Variants in SIGLEC1 observed in about 807,000 individuals in gnomAD.
SIGLEC1 encodes the protein sialic acid binding Ig like lectin 1, also known as sialoadhesin.
SIGLEC1 carries 132 observed loss-of-function variants against 148.0 expected under a neutral mutation model. That is an observed-to-expected ratio of 0.89 (90% CI 0.77 to 1.03). The LOEUF is 1.03. Ranked by LOEUF, SIGLEC1 falls within the 50% of genes least tolerant of loss-of-function variation. The pLI is 0.00. For synonymous variants in SIGLEC1, 945 were observed against 969.0 expected (o/e 0.98, Z 0.46); for missense variants, 2,253 against 2,271.4 (o/e 0.99, Z 0.16).
At chr20:3,702,325 C>T (rs983606786) in intron 6 of SIGLEC1, among the ~76,000 whole-genome samples, 13 of 152,084 alleles carry the variant, frequency 8.5e-5, no homozygotes, top group Middle Eastern at 3.2e-3. Flanking sequence ...GTGGCTCATA[C>T]CTGTAATCCC....
intron 11 of SIGLEC1, 25 bp downstream of exon 11, chr20:3,696,561 A>G (rs2088823972): frequency 5.1e-6 from 8 of 1,580,430 alleles, no homozygotes; most frequent in Non-Finnish European, 6.9e-6. Flanking sequence ...AGAGTCTACC[A>G]TATCTTCAGA....
chr20:3,693,589 G>T lies in SIGLEC1; in HGVS notation c.3366C>A (p.Tyr1122Ter), dbSNP rs773958522. ...CATCCAGGCGCTGCTGCCCATCCTGGTACCATGTGTAGGTGAGCTGGGCCG... is the reference window on the plus strand; with the variant it reads ...CATCCAGGCGCTGCTGCCCATCCTGTTACCATGTGTAGGTGAGCTGGGCCG... ...THPAQLTYTWYQDGQQRLDAH... is the reference protein window; with the variant it reads ...THPAQLTYTW Residue 1122 changes from tyrosine (Y) to a stop codon, truncating the protein, a stop_gained, in exon 14 of 22, where the codon TAC becomes TAA. Coordinates refer to ENST00000344754, the MANE Select transcript of SIGLEC1 (RefSeq NM_023068.4). LOFTEE classifies it high-confidence loss of function. 2 of 1,613,028 alleles carry T rather than the reference G, an allele frequency of 1.2e-6. No homozygotes were observed. Among genetic ancestry groups the T allele is most frequent in the East Asian group, 4.5e-5 (2 of 44,878 alleles).
At position 3,697,999 on chromosome 20, in the gene SIGLEC1, G is replaced by T. The variant is rs769943911; in HGVS notation, c.1921C>A (p.Arg641Ser). ...GATGGCAGGGAAGTGGCCACAACACGGTCCTTGTGGAGCAGCTGCAGCCTG... is the reference window on the plus strand; with the variant it reads ...GATGGCAGGGAAGTGGCCACAACACTGTCCTTGTGGAGCAGCTGCAGCCTG... ...PARLQLLHKD[R>S]VVATSLPSGG... is the part of the protein sequence containing the mutation. The change falls in exon 9 of 22, where the codon CGT becomes AGT. Residue 641 changes from arginine to serine, a missense_variant. Transcript: ENST00000344754. The T allele has an allele frequency of 6.2e-7, 1 of 1,610,788 alleles. No individual in the cohort carries two copies. Among genetic ancestry groups the T allele is most frequent in the Non-Finnish European group, 8.5e-7 (1 of 1,178,786 alleles).
intron 1 of SIGLEC1, among the ~76,000 whole-genome samples, 100 bp downstream of exon 1, chr20:3,712,370 C>CA (rs879306338): frequency 1.3e-4 from 19 of 151,480 alleles, no homozygotes; most frequent in Admixed American, 2.0e-4. Context: ...ATGGAGCCCC[C>CA]CCCCGACCCC....
intron 7 of SIGLEC1, among the ~76,000 whole-genome samples, chr20:3,699,800 G>A (rs117215404): frequency 0.056 from 8,154 of 144,324 alleles, 313 homozygotes; most frequent in East Asian, 0.12. Context: ...AACATAGTGA[G>A]ACTCCATCTC....
chr20:3,708,172 A>C (rs2087909031), intron 1 of SIGLEC1, among the ~76,000 whole-genome samples: 1 of 152,162 alleles, frequency 6.6e-6, no homozygotes, highest in African/African-American at 2.4e-5. Flanking sequence ...TAGGTTTGAA[A>C]GGTAGCATGA....
intron 5 of SIGLEC1, among the ~76,000 whole-genome samples, 175 bp downstream of exon 5, chr20:3,703,650 G>A (rs919796682): frequency 4.6e-5 from 7 of 152,182 alleles, no homozygotes; most frequent in South Asian, 2.1e-4. Flanking sequence ...CCCACCCTTC[G>A]TGGGGGTATT....
chr20:3,692,390 C>T, intron 16 of SIGLEC1, 131 bp downstream of exon 16: 1 of 1,214,466 alleles, frequency 8.2e-7, no homozygotes, highest in East Asian at 2.6e-5. Flanking sequence ...CTTTCTCTAG[C>T]ACCTATGTCC....
At chr20:3,707,289 A>G (rs1009779703) in intron 1 of SIGLEC1, among the ~76,000 whole-genome samples, 52 bp from the exon 2 acceptor site, 13 of 152,100 alleles carry the variant, frequency 8.5e-5, no homozygotes, top group African/African-American at 3.1e-4. Flanking sequence ...ACCCAATAAG[A>G]GGGCAGGGCT....
At chr20:3,696,497 A>G in intron 11 of SIGLEC1, 89 bp downstream of exon 11, 3 of 1,328,562 alleles carry the variant, frequency 2.3e-6, no homozygotes, top group Non-Finnish European at 3.1e-6. Context: ...ATATTTCTGC[A>G]CAAAATTCAC....
chr20:3,690,724 C>G (rs1291594599), intron 18 of SIGLEC1, among the ~76,000 whole-genome samples: 1 of 152,170 alleles, frequency 6.6e-6, no homozygotes, highest in African/African-American at 2.4e-5. Flanking sequence ...CAGTGTAGGC[C>G]TTGGTGAAGG....
At chr20:3,697,399 C>T (rs1436893851) in intron 9 of SIGLEC1, 57 bp from the exon 10 acceptor site, 3 of 1,601,624 alleles carry the variant, frequency 1.9e-6, no homozygotes, top group Non-Finnish European at 1.7e-6. Flanking sequence ...AGCCAGGGGT[C>T]CAGCCGCCCA....
chr20:3,695,769 G>A (rs1000516888), intron 11 of SIGLEC1, among the ~76,000 whole-genome samples: 4 of 152,034 alleles, frequency 2.6e-5, no homozygotes, highest in African/African-American at 9.7e-5. Context: ...TTTGACCTTC[G>A]CATTATGGGC....
At chr20:3,705,128 CTG>C (rs2146531023) in intron 4 of SIGLEC1, among the ~76,000 whole-genome samples, 1 of 152,220 alleles carries the variant, frequency 6.6e-6, no homozygotes, top group African/African-American at 2.4e-5. Context: ...TCCTTAGTAA[CTG>C]GGATTACAGG....
Position 3,689,618 on chromosome 20 carries a change from C to G in SIGLEC1, c.4979G>C (p.Gly1660Ala). The G allele has an allele frequency of 8.8e-6, 14 of 1,583,848 alleles. No homozygotes were observed. Among genetic ancestry groups the G allele is most frequent in the African/African-American group, 1.3e-5 (1 of 74,594 alleles). Residue 1660 changes from glycine (G) to alanine (A), a missense_variant, in exon 20 of 22, where the codon GGG becomes GCG. Transcript: ENST00000344754. ...VGLLLLLLGLGACYTWRRRRV... is the reference protein window; with the variant it reads ...VGLLLLLLGLAACYTWRRRRV... ...GACCCACCTCCAGGTGTAGCAGGCC[C>G]CCAGGCCCAACAGCAGGAGCAGGAG... is the stretch of plus-strand genomic sequence containing the variant.
In SIGLEC1 at chr20:3,707,196, G is replaced by A; in HGVS notation, c.-68C>T. The A allele has an allele frequency of 2.1e-6, 3 of 1,456,414 alleles. No individual in the cohort carries two copies. The highest frequency in any genetic ancestry group is 2.9e-6 in the Non-Finnish European group (3 of 1,041,080). 90.2% of individuals were successfully genotyped at this position (1,456,414 alleles called of 1,614,324 possible). On this transcript the variant is annotated 5_prime_UTR_variant, in exon 2 of 22. Transcript: ENST00000344754. ...GCACTGCGCTGGCTGGGCTCACAGGGGCCTCCAGGGACACCTCTGGGCACT... is the reference window on the plus strand; with the variant it reads ...GCACTGCGCTGGCTGGGCTCACAGGAGCCTCCAGGGACACCTCTGGGCACT...
chr20:3,689,606 G>A lies in SIGLEC1; in HGVS notation c.4991C>T (p.Thr1664Ile). 1 of 1,575,734 alleles carries A rather than the reference G, an allele frequency of 6.3e-7. No individual in the cohort carries two copies. Among genetic ancestry groups the A allele is most frequent in the South Asian group, 1.2e-5 (1 of 86,038 alleles). Residue 1664 changes from threonine to isoleucine, a missense_variant, in exon 20 of 22, where the codon ACC becomes ATC. Transcript: ENST00000344754. ...CTCCCAGCTCCAGACCCACCTCCAG[G>A]TGTAGCAGGCCCCCAGGCCCAACAG... ...LLLLGLGACYTWRRRRVCKQS... is the reference protein window; with the variant it reads ...LLLLGLGACYIWRRRRVCKQS...
intron 1 of SIGLEC1, among the ~76,000 whole-genome samples, chr20:3,711,227 G>C: frequency 6.6e-6 from 1 of 152,152 alleles, no homozygotes; most frequent in East Asian, 1.9e-4. Flanking sequence ...GTTCATACTT[G>C]GGTCTCCAAG....
At position 3,710,603 on chromosome 20, in the gene SIGLEC1, G is replaced by A. The variant is rs1283162442; in HGVS notation, c.-110+1867C>T. Reference sequence around the variant, plus strand: ...GAAAAGCAGCCTGCTGGGCACACTGGGGGTCAGATGTGTCCCTGGCCACAG... The same window carrying A: ...GAAAAGCAGCCTGCTGGGCACACTGAGGGTCAGATGTGTCCCTGGCCACAG... On this transcript the variant is annotated intron_variant, in intron 1 of 21. Transcript: ENST00000344754. The surrounding 1 kb of genome is among the most constrained non-coding windows in gnomAD (Gnocchi z 4.6). Among the ~76,000 whole-genome samples, 1 of 152,194 alleles carries A rather than the reference G, an allele frequency of 6.6e-6. No homozygotes were observed. Among genetic ancestry groups the A allele is most frequent in the Non-Finnish European group, 1.5e-5 (1 of 68,034 alleles).
Sources: allele counts gnomAD v4.1 joint callset (sites outside exome capture counted in the v4.1 genomes callset), GRCh38; gene constraint gnomAD v4.1.1; non-coding constraint Gnocchi (gnomAD v3.1); transcripts MANE v1.5; gene names NCBI Gene and HGNC (gene_info 2026-07-23, HGNC 2026-07-21).